Variants in WDR3 observed in about 807,000 individuals in gnomAD.
WDR3 encodes the protein WD repeat-containing protein 3.
In WDR3, 81 loss-of-function variants were observed where a neutral mutation model predicts 123.7. The ratio of observed to expected loss-of-function variants is 0.65; its 90% confidence interval spans 0.55 to 0.79. The LOEUF (loss-of-function observed/expected upper bound fraction) is 0.79. WDR3 is among the 30% of genes least tolerant of loss of function. The pLI is 0.00. For synonymous variants in WDR3, 390 were observed against 388.8 expected (o/e 1.00, Z -0.04); for missense variants, 1,027 against 1,123.2 (o/e 0.91, Z 1.22).
chr1:117,950,908 T>C lies in WDR3; in HGVS notation c.1803+18T>C, dbSNP rs748682860. 3 of 1,597,682 alleles carry C rather than the reference T, an allele frequency of 1.9e-6. No individual in the cohort carries two copies. The highest frequency in any genetic ancestry group is 4.5e-5 in the East Asian group (2 of 44,452). On this transcript the variant is annotated intron_variant, in intron 16 of 26. Transcript: ENST00000349139. ...TCTCTCATGTAAGTAGTTTAAATAG[T>C]GTCTCAGTAATATGTTGTCTTTTTT...
intron 12 of WDR3, among the ~76,000 whole-genome samples, chr1:117,947,176 T>A (rs1040917843): frequency 3.3e-5 from 5 of 152,036 alleles, no homozygotes; most frequent in Non-Finnish European, 5.9e-5. Flanking sequence ...TATACAAAAC[T>A]CTTAGCAGAG....
intron 2 of WDR3, 136 bp from the exon 3 acceptor site, chr1:117,934,337 G>T: frequency 1.3e-6 from 1 of 767,478 alleles, no homozygotes. Flanking sequence ...AATGGATTGT[G>T]GAGTTTCATT....
chr1:117,954,675 T>A (rs1172432175), intron 23 of WDR3, 48 bp downstream of exon 23: 1 of 1,573,590 alleles, frequency 6.4e-7, no homozygotes, highest in Admixed American at 1.8e-5. Flanking sequence ...AAAGGTTACT[T>A]ACAAGGACAA....
intron 13 of WDR3, 147 bp downstream of exon 13, chr1:117,948,653 C>T (rs1651497347): frequency 2.0e-6 from 1 of 491,420 alleles, no homozygotes; most frequent in Non-Finnish European, 3.5e-6. Flanking sequence ...TATAAATGAC[C>T]ACCTGTCATT....
At position 117,966,512 on chromosome 1, in the gene WDR3, A is replaced by G; in HGVS notation, c.*7065A>G. 8 of 1,159,572 alleles carry G rather than the reference A, an allele frequency of 6.9e-6. No homozygotes were observed. The highest frequency in any genetic ancestry group is 9.4e-6 in the Non-Finnish European group (8 of 850,890). The allele number at this position is 1,159,572 out of a possible 1,614,324, so 71.8% of individuals were successfully genotyped here. ...ATTTAACTCTGATTTTGAAGATAGA[A>G]TTAATAAAGTAGAGATGCATTTTGA... On this transcript the variant is annotated 3_prime_UTR_variant, in exon 27 of 27. Transcript: ENST00000349139.
intron 10 of WDR3, among the ~76,000 whole-genome samples, 195 bp downstream of exon 10, chr1:117,942,739 T>G (rs1364551792): frequency 6.6e-6 from 1 of 152,150 alleles, no homozygotes; most frequent in Admixed American, 6.5e-5. Flanking sequence ...ATTATTATAG[T>G]ACCCTTTTTA....
intron 12 of WDR3, among the ~76,000 whole-genome samples, chr1:117,948,025 G>A (rs1430519133): frequency 3.9e-5 from 6 of 152,160 alleles, no homozygotes; most frequent in Non-Finnish European, 5.9e-5. Context: ...AGGATCATCC[G>A]CTTAAAGGAT....
chr1:117,943,804 CAAA>C (rs373392504), intron 11 of WDR3, among the ~76,000 whole-genome samples, 178 bp downstream of exon 11: 2 of 108,062 alleles, frequency 1.9e-5, no homozygotes, highest in African/African-American at 3.5e-5. Flanking sequence ...AAATGTGGTG[CAAA>C]AAAAAAAAAA....
chr1:117,954,639 G>A lies in WDR3; in HGVS notation c.2409+12G>A, dbSNP rs1288763104. 1.2e-6 allele frequency: 2 copies of A among 1,610,340 alleles called. No homozygotes were observed. The highest frequency in any genetic ancestry group is 1.6e-4 in the Middle Eastern group (1 of 6,072). ...ATGGCAGTATCTCAGTGAGTAAAATGTCTAACGGTTTTCCTTTGTTTATTA... is the reference window on the plus strand; with the variant it reads ...ATGGCAGTATCTCAGTGAGTAAAATATCTAACGGTTTTCCTTTGTTTATTA... On this transcript the variant is annotated intron_variant, in intron 23 of 26. Transcript: ENST00000349139.
In WDR3 at chr1:117,954,589, C is replaced by A; in HGVS notation, c.2371C>A (p.Pro791Thr). The change falls in exon 23 of 27, where the codon CCC becomes ACC. Residue 791 changes from proline (P) to threonine (T), a missense_variant. Transcript: ENST00000349139. Reference protein sequence around the residue: ...CKAAGKEVPLPSNPILMAYGS... With the variant: ...CKAAGKEVPLTSNPILMAYGS... ...AATAATTTCTTCATAGGTTCCACTT[C>A]CCAGCAACCCCATCCTAATGGCTTA... The A allele has an allele frequency of 6.2e-7, 1 of 1,612,432 alleles. No homozygotes were observed. The highest frequency in any genetic ancestry group is 1.1e-5 in the South Asian group (1 of 90,848).
rs1461080553 is a variant in WDR3 at position 117,958,916 on chromosome 1, C to T, written c.2589C>T (p.His863=). 6 of 1,613,590 alleles carry T rather than the reference C, an allele frequency of 3.7e-6. No individual in the cohort carries two copies. Among genetic ancestry groups the T allele is most frequent in the Non-Finnish European group, 5.1e-6 (6 of 1,179,796 alleles). The change falls in exon 26 of 27, where the codon CAC becomes CAT. Residue 863 remains histidine, a synonymous_variant. Transcript: ENST00000349139. ...CRCLFFLLRI[H]FGQITSNQML... ...TGTTTTGTTTTTCTATCAGGATTCA[C>T]TTTGGACAGATCACTAGCAATCAAA...
rs756302065 is a variant in WDR3, at chr1:117,957,156, G to A, written c.2542G>A (p.Asp848Asn). 6.2e-7 allele frequency: 1 copy of A among 1,612,464 alleles called. No homozygotes were observed. Among genetic ancestry groups the A allele is most frequent in the African/African-American group, 1.3e-5 (1 of 74,910 alleles). ...LFNEFIQLGS[D>N]VELICRCLFF... ...TAACGAATTCATTCAGCTGGGCTCT[G>A]ATGTTGAACTTATATGCCGGTGCCT... Residue 848 changes from aspartate (D) to asparagine (N), a missense_variant, in exon 25 of 27, where the codon GAT (aspartate) becomes AAT (asparagine). Coordinates refer to ENST00000349139, the MANE Select transcript of WDR3 (RefSeq NM_006784.3).
chr1:117,950,817 G>T lies in WDR3; in HGVS notation c.1747-17G>T. 1 of 1,596,418 alleles carries T rather than the reference G, an allele frequency of 6.3e-7. No individual in the cohort carries two copies. The highest frequency in any genetic ancestry group is 8.5e-7 in the Non-Finnish European group (1 of 1,170,470). On this transcript the variant is annotated splice_polypyrimidine_tract_variant and intron_variant, in intron 15 of 26. Transcript: ENST00000349139. ...TATTTTATAGACAGACATTAATTAT[G>T]TTTTTTTGATGTTTAGTTTTTTCTG...
In WDR3 at chr1:117,942,443, T is replaced by C. The variant is rs773523752; in HGVS notation, c.996T>C (p.His332=). ...MKKARKKAKL[H]SSKGEEEDPE... ...CTTTTCTTCTTCCCTCTAGATTACA[T>C]TCTAGCAAAGGAGAGGAGGAAGATC... Residue 332 remains histidine (H), a synonymous_variant, in exon 10 of 27, where the codon CAT becomes CAC. Transcript: ENST00000349139. 1 of 1,613,142 alleles carries C rather than the reference T, an allele frequency of 6.2e-7. No homozygotes were observed.
chr1:117,949,953 G>T (rs1049464144), intron 14 of WDR3, 42 bp from the exon 15 acceptor site: 2 of 1,612,900 alleles, frequency 1.2e-6, no homozygotes, highest in Admixed American at 3.3e-5. Context: ...GTCTGAATTT[G>T]TATACTCATT....
chr1:117,960,418 A>G lies in WDR3; in HGVS notation c.*971A>G, dbSNP rs1415414970. 2.0e-5 allele frequency: 3 copies of G among 152,230 alleles called. No homozygotes were observed. Among genetic ancestry groups the G allele is most frequent in the African/African-American group, 4.8e-5 (2 of 41,452 alleles). 9.4% of individuals were successfully genotyped at this position (152,230 alleles called of 1,614,324 possible). On this transcript the variant is annotated 3_prime_UTR_variant, in exon 27 of 27. Coordinates refer to ENST00000349139, the MANE Select transcript of WDR3 (RefSeq NM_006784.3). ...AAGAGAAAATATATTTACTGTGTTTATCAATACTATAAGTGTATGTCATCT... is the reference window on the plus strand; with the variant it reads ...AAGAGAAAATATATTTACTGTGTTTGTCAATACTATAAGTGTATGTCATCT...
At chr1:117,938,234 T>C (rs1044782314) in intron 4 of WDR3, among the ~76,000 whole-genome samples, 7 of 152,192 alleles carry the variant, frequency 4.6e-5, no homozygotes, top group Non-Finnish European at 1.0e-4. Context: ...TTCTGTATTC[T>C]TTGGTACTCT....
At position 117,962,606 on chromosome 1, in the gene WDR3, T is replaced by G. The variant is rs1653258536; in HGVS notation, c.*3159T>G. ...GGAGTAAAACATTTAGGCTTATTTT[T>G]AAAAATGTATATATCCATCCACTTA... On this transcript the variant is annotated 3_prime_UTR_variant, in exon 27 of 27. Transcript: ENST00000349139. 6.6e-6 allele frequency: 1 copy of G among 152,160 alleles called. No homozygotes were observed. 9.4% of individuals were successfully genotyped at this position (152,160 alleles called of 1,614,324 possible). A position where few individuals can be genotyped will look rare whatever the true frequency, so the allele number is the denominator to read the frequency against.
At position 117,952,005 on chromosome 1, in the gene WDR3, T is replaced by G. The variant is rs753229399; in HGVS notation, c.1833T>G (p.Ala611=). 6.2e-7 allele frequency: 1 copy of G among 1,613,426 alleles called. No individual in the cohort carries two copies. The highest frequency in any genetic ancestry group is 1.1e-5 in the South Asian group (1 of 91,050). The change falls in exon 17 of 27, where the codon GCT becomes GCG. Residue 611 remains alanine (A), a synonymous_variant. Transcript: ENST00000349139. ...GAGCACTCATAGCAACTGGCTCCGC[T>G]GATAGGAATGTGAAAATCTGGGGTT... is the stretch of plus-strand genomic sequence containing the variant. ...HDGALIATGS[A]DRNVKIWGLD... is the part of the protein sequence containing the mutation.
Sources: allele counts gnomAD v4.1 joint callset (sites outside exome capture counted in the v4.1 genomes callset), GRCh38; gene constraint gnomAD v4.1.1; transcripts MANE v1.5; gene names NCBI Gene and HGNC (gene_info 2026-07-23, HGNC 2026-07-21).